ZMAT2: variants seen among roughly 807,000 people sequenced by gnomAD.
ZMAT2 encodes the protein zinc finger matrin-type 2.
In ZMAT2, 5 loss-of-function variants were observed where a neutral mutation model predicts 27.5. The ratio of observed to expected loss-of-function variants is 0.18; its 90% CI spans 0.10 to 0.38. The LOEUF (loss-of-function observed/expected upper bound fraction) is 0.38, where lower values mean the gene tolerates loss of function less well. Among genes scored for constraint, ZMAT2 ranks in the 10% least tolerant of loss-of-function variants. The pLI, the probability that ZMAT2 is intolerant of heterozygous loss-of-function variation, is 1.00. For missense variants in ZMAT2, 124 were observed against 243.9 expected (o/e 0.51, Z 3.27); for synonymous variants, 76 against 78.6 (o/e 0.97, Z 0.17).
chr5:140,705,727 G>C lies in ZMAT2; in HGVS notation c.571G>C (p.Gly191Arg). 1 of 1,614,134 alleles carries C rather than the reference G, an allele frequency of 6.2e-7. No homozygotes were observed. Among genetic ancestry groups the C allele is most frequent in the East Asian group, 2.2e-5 (1 of 44,882 alleles). The change falls in exon 6 of 6, where the codon GGC (glycine) becomes CGC (arginine). Residue 191 changes from glycine (G) to arginine (R), a missense_variant. Physicochemically the swap from Gly to Arg is moderately radical, Grantham distance 125. Coordinates refer to ENST00000274712, the MANE Select transcript of ZMAT2 (RefSeq NM_144723.3). Reference sequence around the variant, plus strand: ...GATGGCAGCTGTGATGGGCTTCTCTGGCTTTGGTTCCACCAAGAAGAGTTA... The same window carrying C: ...GATGGCAGCTGTGATGGGCTTCTCTCGCTTTGGTTCCACCAAGAAGAGTTA... ...DEMAAVMGFSGFGSTKKSY is the reference protein window; with the variant it reads ...DEMAAVMGFSRFGSTKKSY
rs766532741 is a variant in ZMAT2 at position 140,705,807 on chromosome 5, T to C, written c.*51T>C. On this transcript the variant is annotated 3_prime_UTR_variant, in exon 6 of 6. Transcript: ENST00000274712. ...GGCCTATGCTGGACCTAACTTTGCG[T>C]GTGTGTGTGTGTAGTAGGGGGTCAT... The C allele has an allele frequency of 2.0e-6, 3 of 1,478,626 alleles. No individual in the cohort carries two copies. The highest frequency in any genetic ancestry group is 2.6e-5 in the South Asian group (2 of 77,694). 91.6% of individuals were successfully genotyped at this position (1,478,626 alleles called of 1,614,324 possible). A position where few individuals can be genotyped will look rare whatever the true frequency, so the allele number is the denominator to read the frequency against.
intron 5 of ZMAT2, 113 bp downstream of exon 5, chr5:140,704,684 G>A (rs1442381024): frequency 7.9e-6 from 9 of 1,141,008 alleles, no homozygotes; most frequent in Non-Finnish European, 8.5e-6. Flanking sequence ...TGTATCTCCT[G>A]AGTTCTGTAT....
At position 140,704,559 on chromosome 5, in the gene ZMAT2, G is replaced by A. The variant is rs1266848642; in HGVS notation, c.444G>A (p.Glu148=). 1 of 1,613,706 alleles carries A rather than the reference G, an allele frequency of 6.2e-7. No homozygotes were observed. Residue 148 remains glutamate (E), a synonymous_variant, in exon 5 of 6, where the codon GAG becomes GAA. Coordinates refer to ENST00000274712, the MANE Select transcript of ZMAT2 (RefSeq NM_144723.3). ...KDYDFEERMK[E]LREEEEKAKA... is the part of the protein sequence containing the mutation. Reference sequence around the variant, plus strand: ...ATGATTTTGAGGAAAGGATGAAGGAGCTCAGAGAAGAGGTAAGGGTCTCCT... The same window carrying A: ...ATGATTTTGAGGAAAGGATGAAGGAACTCAGAGAAGAGGTAAGGGTCTCCT...
chr5:140,701,636 G>T (rs1759965871), intron 2 of ZMAT2, among the ~76,000 whole-genome samples: 1 of 152,146 alleles, frequency 6.6e-6, no homozygotes. Flanking sequence ...CTCTCAGAAG[G>T]TTCCTTTCCG....
Position 140,704,525 on chromosome 5 carries a change from A to G in ZMAT2, c.410A>G (p.Gln137Arg). The change falls in exon 5 of 6, where the codon CAG becomes CGG. Residue 137 changes from glutamine to arginine, a missense_variant. Transcript: ENST00000274712. ...EVNKKKMEEK[Q>R]KDYDFEERMK... Reference sequence around the variant, plus strand: ...AACAAGAAGAAGATGGAAGAGAAGCAGAAGGATTATGATTTTGAGGAAAGG... The same window carrying G: ...AACAAGAAGAAGATGGAAGAGAAGCGGAAGGATTATGATTTTGAGGAAAGG... The G allele has an allele frequency of 6.2e-7, 1 of 1,614,146 alleles. No homozygotes were observed. The highest frequency in any genetic ancestry group is 1.1e-5 in the South Asian group (1 of 91,078).
rs1760029185 is a variant in ZMAT2 at position 140,704,820 on chromosome 5, T to TA, written c.456+249_456+250insA. Among the ~76,000 whole-genome samples the TA allele has an allele frequency of 1.3e-5, 2 of 151,494 alleles. 1 individual carries two copies. Among genetic ancestry groups the TA allele is most frequent in the South Asian group, 4.2e-4 (2 of 4,806 alleles). On this transcript the variant is annotated intron_variant, in intron 5 of 5. Transcript: ENST00000274712. ...TTTTTTTGTAATTTAAAAAAAAATT[T>TA]TTTTTTTTTTTGGTCATACAGATAT...
At chr5:140,701,744 A>T (rs1293950233) in intron 2 of ZMAT2, among the ~76,000 whole-genome samples, 1 of 152,192 alleles carries the variant, frequency 6.6e-6, no homozygotes, top group South Asian at 2.1e-4. Flanking sequence ...CTCCCCCACA[A>T]TTCAGTTAAT....
intron 4 of ZMAT2, 32 bp downstream of exon 4, chr5:140,704,023 T>C (rs756073335): frequency 3.7e-6 from 6 of 1,604,886 alleles, no homozygotes; most frequent in Non-Finnish European, 3.4e-6. Flanking sequence ...TGACTAGGGC[T>C]GGAATTGGGT....
rs1759972601 is a variant in ZMAT2, at chr5:140,702,019, G to T, written c.126G>T (p.Gln42His). 2 of 1,611,568 alleles carry T rather than the reference G, an allele frequency of 1.2e-6. No homozygotes were observed. Among genetic ancestry groups the T allele is most frequent in the Non-Finnish European group, 1.7e-6 (2 of 1,178,846 alleles). ...EREKKDGKPV[Q>H]PVKRELLRHR... ...ATTATGTTTCAGGAAAACCAGTGCA[G>T]CCTGTCAAGCGAGAGCTTTTACGGC... Residue 42 changes from glutamine to histidine, a missense_variant, in exon 3 of 6, where the codon CAG (glutamine) becomes CAT (histidine). Coordinates refer to ENST00000274712, the MANE Select transcript of ZMAT2 (RefSeq NM_144723.3).
chr5:140,700,814 C>A lies in ZMAT2; in HGVS notation c.19-5C>A. On this transcript the variant is annotated splice_region_variant and splice_polypyrimidine_tract_variant and intron_variant, in intron 1 of 5. Transcript: ENST00000274712. ...ACGGATCTTGACGCTTTTTCCTCCC[C>A]ACAGACAAAAAACTTGGACTTTCGC... 6.2e-7 allele frequency: 1 copy of A among 1,613,620 alleles called. No individual in the cohort carries two copies. The highest frequency in any genetic ancestry group is 8.5e-7 in the Non-Finnish European group (1 of 1,179,788).
At chr5:140,705,487 C>G in intron 5 of ZMAT2, 126 bp from the exon 6 acceptor site, 2 of 1,135,886 alleles carry the variant, frequency 1.8e-6, no homozygotes, top group Non-Finnish European at 2.4e-6. Context: ...TATTAGAGAT[C>G]TTAATATACA....
At position 140,702,893 on chromosome 5, in the gene ZMAT2, A is replaced by AT. The variant is rs1297465141; in HGVS notation, c.236+765dup. Among the ~76,000 whole-genome samples the AT allele has an allele frequency of 3.3e-5, 5 of 152,236 alleles. No individual in the cohort carries two copies. The South Asian group carries it at 8.3e-4, about 25-fold the overall frequency. On this transcript the variant is annotated intron_variant, in intron 3 of 5. Coordinates refer to ENST00000274712, the MANE Select transcript of ZMAT2 (RefSeq NM_144723.3). ...TGGCAGGAGAGCAACACAGATAGCA[A>AT]TGAGTGACACTTCTCTGAGCTGCTT...
rs1315640425 is a variant in ZMAT2, at chr5:140,705,924, C to T, written c.*168C>T. ...GGTTTCCCTCTACTTTGGGAGAGGGCACAGATTGCAGAGGTAATGCTGTGG... is the reference window on the plus strand; with the variant it reads ...GGTTTCCCTCTACTTTGGGAGAGGGTACAGATTGCAGAGGTAATGCTGTGG... On this transcript the variant is annotated 3_prime_UTR_variant, in exon 6 of 6. Coordinates refer to ENST00000274712, the MANE Select transcript of ZMAT2 (RefSeq NM_144723.3). The T allele has an allele frequency of 3.6e-6, 3 of 829,642 alleles. No individual in the cohort carries two copies. Among genetic ancestry groups the T allele is most frequent in the East Asian group, 2.7e-5 (1 of 37,132 alleles). 51.4% of individuals were successfully genotyped at this position (829,642 alleles called of 1,614,324 possible). A position where few individuals can be genotyped will look rare whatever the true frequency, so the allele number is the denominator to read the frequency against.
intron 5 of ZMAT2, 38 bp downstream of exon 5, chr5:140,704,609 G>C (rs1371842272): frequency 6.2e-7 from 1 of 1,606,284 alleles, no homozygotes; most frequent in Non-Finnish European, 8.5e-7. Flanking sequence ...CCCCAGATTT[G>C]AGTTTTATGT....
At chr5:140,701,001 C>T in intron 2 of ZMAT2, 89 bp downstream of exon 2, 1 of 1,310,766 alleles carries the variant, frequency 7.6e-7, no homozygotes, top group Non-Finnish European at 1.1e-6. Context: ...GCTGCCTTCC[C>T]ACGCGGTGTA....
intron 2 of ZMAT2, 34 bp downstream of exon 2, chr5:140,700,946 C>T (rs1451268343): frequency 2.2e-5 from 36 of 1,601,736 alleles, no homozygotes; most frequent in Non-Finnish European, 2.9e-5. Context: ...CTAAGGGTAT[C>T]ACAGAGGCGA....
intron 5 of ZMAT2, among the ~76,000 whole-genome samples, 170 bp from the exon 6 acceptor site, chr5:140,705,441 CAA>C (rs1760037868): frequency 6.6e-6 from 1 of 152,032 alleles, no homozygotes; most frequent in African/African-American, 2.4e-5. Flanking sequence ...GAATCTTGGG[CAA>C]GTTATATAAC....
Position 140,705,960 on chromosome 5 carries a change from C to T in ZMAT2, c.*204C>T, listed in dbSNP as rs1240800548. ...GAGGTAATGCTGTGGCATATTGCTT[C>T]TGCCTCAGTGTATCACTGGAGTCAC... On this transcript the variant is annotated 3_prime_UTR_variant, in exon 6 of 6. Coordinates refer to ENST00000274712, the MANE Select transcript of ZMAT2 (RefSeq NM_144723.3). The T allele has an allele frequency of 6.8e-6, 4 of 587,770 alleles. No individual in the cohort carries two copies. Among genetic ancestry groups the T allele is most frequent in the Non-Finnish European group, 1.1e-5 (4 of 365,438 alleles). The allele number at this position is 587,770 out of a possible 1,614,324, so 36.4% of individuals were successfully genotyped here.
Position 140,702,025 on chromosome 5 carries a change from C to G in ZMAT2, c.132C>G (p.Val44=). 1 of 1,611,954 alleles carries G rather than the reference C, an allele frequency of 6.2e-7. No homozygotes were observed. Among genetic ancestry groups the G allele is most frequent in the East Asian group, 2.2e-5 (1 of 44,798 alleles). Residue 44 remains valine, a synonymous_variant, in exon 3 of 6, where the codon GTC becomes GTG. Transcript: ENST00000274712. ...TTTCAGGAAAACCAGTGCAGCCTGT[C>G]AAGCGAGAGCTTTTACGGCATAGGG... The part of the protein sequence containing the change: ...EKKDGKPVQP[V]KRELLRHRDY...
Sources: gnomAD v4.1 joint callset for allele counts (sites outside exome capture counted in the v4.1 genomes callset) on GRCh38, gnomAD v4.1.1 for gene constraint, MANE v1.5 for transcripts, NCBI Gene and HGNC (gene_info 2026-07-23, HGNC 2026-07-21) for gene names.